Variants in OR2M2 observed in about 807,000 individuals in gnomAD.
OR2M2 encodes the protein olfactory receptor 2M2.
For missense variants in OR2M2, 467 were observed against 429.9 expected (o/e 1.09, Z -0.76); for synonymous variants, 168 against 151.7 (o/e 1.11, Z -0.79).
intron 1 of OR2M2, among the ~76,000 whole-genome samples, chr1:248,179,754 C>G (rs1665902681): frequency 6.6e-6 from 1 of 152,098 alleles, no homozygotes; most frequent in South Asian, 2.1e-4. Flanking sequence ...AAAGGATGCC[C>G]AGAATAAATC....
rs41311591 is a variant in OR2M2, at chr1:248,180,854, A to G, written c.869A>G (p.Tyr290Cys). 69 of 1,614,024 alleles carry G rather than the reference A, an allele frequency of 4.3e-5. No homozygotes were observed. Among genetic ancestry groups the G allele is most frequent in the Non-Finnish European group, 5.8e-5 (68 of 1,179,970 alleles). ...ILTPMLNPLIYSLRNKEVTRA... is the reference protein window; with the variant it reads ...ILTPMLNPLICSLRNKEVTRA... Reference sequence around the variant, plus strand: ...ACTCCCATGCTGAATCCCCTCATCTACAGCCTCCGCAACAAGGAGGTGACT... The same window carrying G: ...ACTCCCATGCTGAATCCCCTCATCTGCAGCCTCCGCAACAAGGAGGTGACT... The change falls in exon 2 of 2, where the codon TAC becomes TGC. Residue 290 changes from tyrosine to cysteine, a missense_variant. Coordinates refer to ENST00000641836, the MANE Select transcript of OR2M2 (RefSeq NM_001004688.2).
At chr1:248,179,837 T>C in intron 1 of OR2M2, 131 bp from the exon 2 acceptor site, 1 of 779,894 alleles carries the variant, frequency 1.3e-6, no homozygotes, top group Non-Finnish European at 2.1e-6. Flanking sequence ...TCTATACTTC[T>C]TGACCTTTTA....
chr1:248,175,066 C>T (rs1665844198), intron 1 of OR2M2, among the ~76,000 whole-genome samples, 195 bp downstream of exon 1: 2 of 152,106 alleles, frequency 1.3e-5, no homozygotes, highest in African/African-American at 2.4e-5. Context: ...TTACCTGCCC[C>T]CGCTTACCAA....
intron 1 of OR2M2, among the ~76,000 whole-genome samples, chr1:248,179,643 C>A (rs1042315947): frequency 2.0e-5 from 3 of 152,166 alleles, no homozygotes; most frequent in African/African-American, 7.2e-5. Flanking sequence ...TGAAATACTT[C>A]TCGTGTTTTA....
chr1:248,175,370 A>T (rs1196971590), intron 1 of OR2M2, among the ~76,000 whole-genome samples: 2 of 152,142 alleles, frequency 1.3e-5, no homozygotes, highest in African/African-American at 2.4e-5. Flanking sequence ...TTCAATGTAC[A>T]CAAACTTTCT....
chr1:248,176,570 AT>A (rs1293799370), intron 1 of OR2M2, among the ~76,000 whole-genome samples: 11 of 152,132 alleles, frequency 7.2e-5, no homozygotes, highest in Non-Finnish European at 1.3e-4. Context: ...CTGAAAAAAA[AT>A]AAAAAACAAG....
chr1:248,175,024 A>G (rs1045676189), intron 1 of OR2M2, among the ~76,000 whole-genome samples, 153 bp downstream of exon 1: 2 of 152,160 alleles, frequency 1.3e-5, no homozygotes, highest in African/African-American at 4.8e-5. Flanking sequence ...TTACTTTGAG[A>G]AATGTGGTAT....
In OR2M2 at chr1:248,180,989, A is replaced by G. The variant is rs749712298; in HGVS notation, c.1004A>G (p.Tyr335Cys). Residue 335 changes from tyrosine (Y) to cysteine (C), a missense_variant, in exon 2 of 2, where the codon TAT (tyrosine) becomes TGT (cysteine). Transcript: ENST00000641836. Reference protein sequence around the residue: ...KFFFLISIFFYDVKILALIMY... With the variant: ...KFFFLISIFFCDVKILALIMY... The stretch of plus-strand genomic sequence containing the variant: ...TTCTTTCTAATATCCATCTTTTTCT[A>G]TGATGTCAAAATACTAGCATTGATT... The G allele has an allele frequency of 1.2e-6, 2 of 1,612,648 alleles. No homozygotes were observed. The highest frequency in any genetic ancestry group is 1.7e-6 in the Non-Finnish European group (2 of 1,178,888).
At chr1:248,179,864 C>T (rs1558246131) in intron 1 of OR2M2, 104 bp from the exon 2 acceptor site, 27 of 994,050 alleles carry the variant, frequency 2.7e-5, no homozygotes, top group Non-Finnish European at 4.1e-5. Flanking sequence ...TACTTCTATT[C>T]ATGCTGTATT....
At chr1:248,178,758 T>C (rs1250993135) in intron 1 of OR2M2, among the ~76,000 whole-genome samples, 2 of 152,224 alleles carry the variant, frequency 1.3e-5, no homozygotes, top group Admixed American at 6.5e-5. Context: ...ATAGTCATCA[T>C]CTGATCGCAC....
chr1:248,175,062 G>A (rs1158012060), intron 1 of OR2M2, among the ~76,000 whole-genome samples, 191 bp downstream of exon 1: 1 of 152,056 alleles, frequency 6.6e-6, no homozygotes, highest in Non-Finnish European at 1.5e-5. Flanking sequence ...GTGGTTACCT[G>A]CCCCCGCTTA....
chr1:248,178,872 G>C (rs1665884783), intron 1 of OR2M2, among the ~76,000 whole-genome samples: 1 of 152,178 alleles, frequency 6.6e-6, no homozygotes, highest in South Asian at 2.1e-4. Flanking sequence ...TGAAAGGGTG[G>C]ATCTCATGCT....
At chr1:248,179,932 G>T in intron 1 of OR2M2, 36 bp from the exon 2 acceptor site, 3 of 1,549,326 alleles carry the variant, frequency 1.9e-6, no homozygotes, top group Non-Finnish European at 2.6e-6. Flanking sequence ...CTGGGTAAAT[G>T]TTTACCAAAT....
At position 248,176,638 on chromosome 1, in the gene OR2M2, A is replaced by G. The variant is rs539189590; in HGVS notation, c.-19+1767A>G. Among the ~76,000 whole-genome samples the G allele has an allele frequency of 3.9e-5, 6 of 152,198 alleles. No individual in the cohort carries two copies. In the South Asian group the frequency reaches 8.3e-4, roughly 21 times the overall value. ...CTGCTTTTTATATTCCTCCTACTAC[A>G]GTGCTGAAACTCAGAATGTTCTTTG... On this transcript the variant is annotated intron_variant, in intron 1 of 1. Coordinates refer to ENST00000641836, the MANE Select transcript of OR2M2 (RefSeq NM_001004688.2).
rs1231343477 is a variant in OR2M2 at position 248,180,095 on chromosome 1, T to C, written c.110T>C (p.Val37Ala). 15 of 1,614,104 alleles carry C rather than the reference T, an allele frequency of 9.3e-6. No homozygotes were observed. Among genetic ancestry groups the C allele is most frequent in the Non-Finnish European group, 1.3e-5 (15 of 1,179,992 alleles). The change falls in exon 2 of 2, where the codon GTG (valine) becomes GCG (alanine). Residue 37 changes from valine (V) to alanine (A), a missense_variant. Coordinates refer to ENST00000641836, the MANE Select transcript of OR2M2 (RefSeq NM_001004688.2). ...LFFLVLGIFL[V>A]AFMGNSVMVL... is the part of the protein sequence containing the mutation. The stretch of plus-strand genomic sequence containing the variant: ...TTTCTGGTCCTGGGCATCTTTTTAG[T>C]GGCCTTCATGGGAAACTCTGTCATG...
Position 248,180,954 on chromosome 1 carries a change from T to G in OR2M2, c.969T>G (p.Phe323Leu). Reference sequence around the variant, plus strand: ...CTCATAAACTTTATGTTTTGCTGTTTGCTAAATTCTTCTTTCTAATATCCA... The same window carrying G: ...CTCATAAACTTTATGTTTTGCTGTTGGCTAAATTCTTCTTTCTAATATCCA... ...ELPHKLYVLL[F>L]AKFFFLISIF... The change falls in exon 2 of 2, where the codon TTT becomes TTG. Residue 323 changes from phenylalanine to leucine, a missense_variant. Coordinates refer to ENST00000641836, the MANE Select transcript of OR2M2 (RefSeq NM_001004688.2). 6.2e-7 allele frequency: 1 copy of G among 1,614,044 alleles called. No homozygotes were observed. The highest frequency in any genetic ancestry group is 1.7e-4 in the Middle Eastern group (1 of 6,060).
chr1:248,178,705 C>A (rs1665883075), intron 1 of OR2M2, among the ~76,000 whole-genome samples: 2 of 152,152 alleles, frequency 1.3e-5, no homozygotes, highest in Admixed American at 1.3e-4. Context: ...CTTTGACTTA[C>A]TTTTCTCCAA....
Position 248,180,163 on chromosome 1 carries a change from T to C in OR2M2, c.178T>C (p.Tyr60His). 1 of 1,614,108 alleles carries C rather than the reference T, an allele frequency of 6.2e-7. No individual in the cohort carries two copies. The highest frequency in any genetic ancestry group is 1.7e-4 in the Middle Eastern group (1 of 6,058). The change falls in exon 2 of 2, where the codon TAC (tyrosine) becomes CAC (histidine). Residue 60 changes from tyrosine (Y) to histidine (H), a missense_variant. Transcript: ENST00000641836. ...YLDTQLHTPMYFLLSQLSLMD... is the reference protein window; with the variant it reads ...YLDTQLHTPMHFLLSQLSLMD... ...GGACACCCAGCTCCACACCCCCATG[T>C]ACTTCCTCCTCAGCCAACTGTCCCT...
At position 248,180,104 on chromosome 1, in the gene OR2M2, T is replaced by A. The variant is rs755634605; in HGVS notation, c.119T>A (p.Met40Lys). ...CTGGGCATCTTTTTAGTGGCCTTCA[T>A]GGGAAACTCTGTCATGGTTCTCCTC... ...LVLGIFLVAF[M>K]GNSVMVLLIY... Residue 40 changes from methionine (M) to lysine (K), a missense_variant, in exon 2 of 2, where the codon ATG becomes AAG. Met to Lys is a moderately conservative substitution (Grantham distance 95). Transcript: ENST00000641836. 1.2e-6 allele frequency: 2 copies of A among 1,614,116 alleles called. No homozygotes were observed. Among genetic ancestry groups the A allele is most frequent in the East Asian group, 2.2e-5 (1 of 44,880 alleles).
Sources: gnomAD v4.1 joint callset for allele counts (sites outside exome capture counted in the v4.1 genomes callset) on GRCh38, gnomAD v4.1.1 for gene constraint, MANE v1.5 for transcripts, NCBI Gene and HGNC (gene_info 2026-07-23, HGNC 2026-07-21) for gene names.